The following FLNB variants were observed in gnomAD, a reference collection of about 807,000 sequenced individuals.
FLNB encodes filamin-B.
A neutral mutation model predicts 250.6 loss-of-function variants in FLNB; 111 were observed. The ratio of observed to expected loss-of-function variants is 0.44; its 90% CI spans 0.38 to 0.52. The LOEUF (loss-of-function observed/expected upper bound fraction) is 0.52. Ranked by LOEUF, FLNB falls within the 20% of genes least tolerant of loss-of-function variation. The pLI is 0.00. For synonymous variants in FLNB, 1,302 were observed against 1,372.1 expected (o/e 0.95, Z 1.13); for missense variants, 2,869 against 3,447.8 (o/e 0.83, Z 4.20).
At chr3:58,047,288 T>C (rs1312737567) in intron 1 of FLNB, among the ~76,000 whole-genome samples, 1 of 152,218 alleles carries the variant, frequency 6.6e-6, no homozygotes, top group African/African-American at 2.4e-5. Flanking sequence ...ATTTATTTTC[T>C]AGATGTTTGA....
chr3:58,121,423 G>T lies in FLNB; in HGVS notation c.3046G>T (p.Val1016Leu), dbSNP rs778055325. 16 of 1,614,190 alleles carry T rather than the reference G, an allele frequency of 9.9e-6. No individual in the cohort carries two copies. Among genetic ancestry groups the T allele is most frequent in the Non-Finnish European group, 1.3e-5 (15 of 1,180,038 alleles). Residue 1016 changes from valine (V) to leucine (L), a missense_variant, in exon 20 of 46, where the codon GTA becomes TTA. Coordinates refer to ENST00000295956, the MANE Select transcript of FLNB (RefSeq NM_001457.4). The part of the protein sequence containing the change: ...FIPREEGLYA[V>L]DVTYDGHPVP... Reference sequence around the variant, plus strand: ...CCCTCGGGAGGAGGGGCTGTATGCTGTAGACGTGACCTACGATGGACACCC... The same window carrying T: ...CCCTCGGGAGGAGGGGCTGTATGCTTTAGACGTGACCTACGATGGACACCC...
chr3:58,054,741 T>C (rs9879767), intron 1 of FLNB, among the ~76,000 whole-genome samples: 8,794 of 152,084 alleles, frequency 0.058, 816 homozygotes, highest in African/African-American at 0.2. Context: ...GAGATTTGGG[T>C]GGGGACATAG....
chr3:58,104,009 G>T lies in FLNB; in HGVS notation c.1534G>T (p.Ala512Ser), dbSNP rs201544295. Residue 512 changes from alanine to serine, a missense_variant, in exon 10 of 46, where the codon GCA becomes TCA. Physicochemically the swap from Ala to Ser is moderately conservative, Grantham distance 99. This residue lies in a region of FLNB where 1,348 missense variants were observed against 1,466.7 expected (regional missense o/e 0.92). Coordinates refer to ENST00000295956, the MANE Select transcript of FLNB (RefSeq NM_001457.4). ...KQKDFLDGVY[A>S]FEYYPSTPGR... ...GAAAGACTTTCTGGATGGGGTCTAC[G>T]CATTCGAGTATTACCCCAGCACCCC... 3 of 1,613,528 alleles carry T rather than the reference G, an allele frequency of 1.9e-6. No individual in the cohort carries two copies. The highest frequency in any genetic ancestry group is 1.7e-6 in the Non-Finnish European group (2 of 1,179,712).
intron 25 of FLNB, among the ~76,000 whole-genome samples, chr3:58,131,459 G>A (rs938966402): frequency 6.6e-6 from 1 of 152,186 alleles, no homozygotes; most frequent in African/African-American, 2.4e-5. Flanking sequence ...TAAGGCTAGC[G>A]GGCCATATAG....
At position 58,111,801 on chromosome 3, in the gene FLNB, C is replaced by A; in HGVS notation, c.2495C>A (p.Ala832Asp). ...GTGTCTCTGCTACAGGAAATCCCCGCCAGCCCTTTCAGAGTCAAAGTTGAC... is the reference window on the plus strand; with the variant it reads ...GTGTCTCTGCTACAGGAAATCCCCGACAGCCCTTTCAGAGTCAAAGTTGAC... ...KVLFASQEIP[A>D]SPFRVKVDPS... The change falls in exon 17 of 46, where the codon GCC becomes GAC. Residue 832 changes from alanine to aspartate, a missense_variant. Ala to Asp is a moderately radical substitution (Grantham distance 126, BLOSUM62 -2). This residue lies in a region of FLNB where 1,348 missense variants were observed against 1,466.7 expected (regional missense o/e 0.92). Coordinates refer to ENST00000295956, the MANE Select transcript of FLNB (RefSeq NM_001457.4). 6.2e-7 allele frequency: 1 copy of A among 1,613,940 alleles called. No individual in the cohort carries two copies. The highest frequency in any genetic ancestry group is 1.1e-5 in the South Asian group (1 of 91,082).
chr3:58,121,580 T>G, intron 20 of FLNB, 77 bp downstream of exon 20: 1 of 1,572,142 alleles, frequency 6.4e-7, no homozygotes, highest in Non-Finnish European at 8.7e-7. Flanking sequence ...TGGTTCTTCC[T>G]GGCAAAGACC....
chr3:58,070,837 A>G (rs2097193326), intron 1 of FLNB, among the ~76,000 whole-genome samples: 1 of 151,118 alleles, frequency 6.6e-6, no homozygotes, highest in Admixed American at 6.6e-5. Context: ...TTTTTAGAAG[A>G]GACTGGGTTT....
chr3:58,136,505 A>AAGC (rs1341572529), intron 28 of FLNB, among the ~76,000 whole-genome samples: 1 of 152,148 alleles, frequency 6.6e-6, no homozygotes, highest in East Asian at 1.9e-4. Flanking sequence ...CTCCCATGAA[A>AAGC]AGCAGCACAT....
At chr3:58,151,151 G>C (rs978045812) in intron 38 of FLNB, 1 of 152,246 alleles carries the variant, frequency 6.6e-6, no homozygotes, top group Non-Finnish European at 1.5e-5. Context: ...CAGCACTTTG[G>C]GGGGCCGAGG....
At chr3:58,051,108 T>C (rs1291223312) in intron 1 of FLNB, among the ~76,000 whole-genome samples, 5 of 152,188 alleles carry the variant, frequency 3.3e-5, no homozygotes. Flanking sequence ...CACTGTAAAA[T>C]GGATATGCCA....
chr3:58,167,271 G>A (rs1019854508), intron 43 of FLNB, among the ~76,000 whole-genome samples: 8 of 152,218 alleles, frequency 5.3e-5, no homozygotes, highest in African/African-American at 1.9e-4. Flanking sequence ...GGGCTTCTTG[G>A]CTGCACAGAT....
chr3:58,015,952 T>A (rs2097105133), intron 1 of FLNB, among the ~76,000 whole-genome samples: 2 of 152,118 alleles, frequency 1.3e-5, no homozygotes, highest in South Asian at 2.1e-4. Flanking sequence ...TTAGAGGTCT[T>A]GATGCTCAGG....
intron 43 of FLNB, among the ~76,000 whole-genome samples, chr3:58,166,558 C>A (rs1162750414): frequency 2.0e-5 from 3 of 152,182 alleles, no homozygotes; most frequent in Non-Finnish European, 4.4e-5. Context: ...CAGTGGCTCA[C>A]ACCTGTAATC....
chr3:58,153,511 C>T lies in FLNB; in HGVS notation c.6504C>T (p.Ser2168=), dbSNP rs763146153. 6 of 1,614,086 alleles carry T rather than the reference C, an allele frequency of 3.7e-6. No homozygotes were observed. The highest frequency in any genetic ancestry group is 4.5e-5 in the East Asian group (2 of 44,890). Residue 2168 remains serine (S), a synonymous_variant, in exon 39 of 46, where the codon AGC becomes AGT. Coordinates refer to ENST00000295956, the MANE Select transcript of FLNB (RefSeq NM_001457.4). The part of the protein sequence containing the change: ...VPQEMGVHTV[S]VKYRGQHVTG... Reference sequence around the variant, plus strand: ...AGGAGATGGGCGTGCACACGGTCAGCGTCAAGTACCGTGGGCAGCACGTCA... The same window carrying T: ...AGGAGATGGGCGTGCACACGGTCAGTGTCAAGTACCGTGGGCAGCACGTCA...
intron 1 of FLNB, among the ~76,000 whole-genome samples, chr3:58,075,727 GAGTT>G (rs1240797119): frequency 6.6e-6 from 1 of 152,156 alleles, no homozygotes; most frequent in Admixed American, 6.5e-5. Context: ...TTTGCCAAAA[GAGTT>G]AGGTAGGGAT....
intron 41 of FLNB, among the ~76,000 whole-genome samples, chr3:58,158,256 C>T (rs1438603878): frequency 1.3e-5 from 2 of 152,210 alleles, no homozygotes; most frequent in Non-Finnish European, 2.9e-5. Flanking sequence ...TGCTATGCAG[C>T]ATGATAGCCA....
chr3:58,058,890 C>T (rs541040932), intron 1 of FLNB, among the ~76,000 whole-genome samples: 2 of 152,330 alleles, frequency 1.3e-5, no homozygotes, highest in East Asian at 3.9e-4. Flanking sequence ...GTTTGGGAGA[C>T]TTGTTCATAG....
chr3:58,078,387 A>G (rs1320105652), intron 2 of FLNB: 9 of 1,525,660 alleles, frequency 5.9e-6, no homozygotes, highest in Middle Eastern at 1.7e-4. Context: ...GGAATAGAGT[A>G]AAAAATAAAA....
chr3:58,142,726 T>G lies in FLNB; in HGVS notation c.5258T>G (p.Phe1753Cys), dbSNP rs761508385. 23 of 1,614,124 alleles carry G rather than the reference T, an allele frequency of 1.4e-5. No individual in the cohort carries two copies. The Admixed American group carries it at 3.7e-4, about 26-fold the overall frequency. Reference protein sequence around the residue: ...GFKPFDLVIPFAVRKGEITGE... With the variant: ...GFKPFDLVIPCAVRKGEITGE... ...AAGCCTTTTGACCTGGTCATTCCGTTTGCTGTCAGGAAAGGAGAAATCACT... is the reference window on the plus strand; with the variant it reads ...AAGCCTTTTGACCTGGTCATTCCGTGTGCTGTCAGGAAAGGAGAAATCACT... Residue 1753 changes from phenylalanine (F) to cysteine (C), a missense_variant, in exon 31 of 46, where the codon TTT (phenylalanine) becomes TGT (cysteine). Transcript: ENST00000295956. This position sits in a 1 kb window ranked among gnomAD's most constrained non-coding sequence, Gnocchi z 4.3.
Sources: gnomAD v4.1 joint callset for allele counts (sites outside exome capture counted in the v4.1 genomes callset) on GRCh38, gnomAD v4.1.1 for gene constraint, gnomAD v4.1.1 regional missense constraint, Gnocchi (gnomAD v3.1) non-coding constraint, MANE v1.5 for transcripts, NCBI Gene and HGNC (gene_info 2026-07-23, HGNC 2026-07-21) for gene names.